The following NFIB variants were observed in gnomAD, a reference collection of about 807,000 sequenced individuals.
NFIB encodes nuclear factor 1 B-type.
Under a neutral mutation model 61.5 loss-of-function variants are expected in NFIB, and 11 were observed. That is an observed-to-expected ratio of 0.18 (90% CI 0.11 to 0.30). The LOEUF is 0.30. NFIB is among the 10% of genes least tolerant of loss of function. The pLI is 1.00. For missense variants in NFIB, 471 were observed against 608.9 expected, an observed-to-expected ratio of 0.77 and a Z score of 2.38; for synonymous variants, 260 against 216.5, an observed-to-expected ratio of 1.20 and a Z score of -1.76.
intron 2 of NFIB, among the ~76,000 whole-genome samples, chr9:14,277,521 G>A (rs1050908187): frequency 2.0e-5 from 3 of 152,204 alleles, no homozygotes; most frequent in African/African-American, 7.2e-5. Flanking sequence ...TAGCGACAAT[G>A]GTCTAGTCTG....
At chr9:14,410,230 A>C in the NFIB span, among the ~76,000 whole-genome samples, 1 of 151,686 alleles carries the variant, frequency 6.6e-6, no homozygotes, top group African/African-American at 2.4e-5. Context: ...AAAAAAAATC[A>C]TTTTCCAAAT....
intron 1 of NFIB, among the ~76,000 whole-genome samples, chr9:14,393,785 C>G (rs1050632684): frequency 6.6e-6 from 1 of 152,138 alleles, no homozygotes; most frequent in African/African-American, 2.4e-5. Flanking sequence ...AAAATAAATG[C>G]CACTAGTGAC....
the NFIB span, among the ~76,000 whole-genome samples, chr9:14,405,000 C>T: frequency 6.6e-6 from 1 of 152,198 alleles, no homozygotes; most frequent in Non-Finnish European, 1.5e-5. Context: ...GCTGGGCATA[C>T]AACTGTACTG....
In NFIB at chr9:14,130,850, T is replaced by C. The variant is rs571306518; in HGVS notation, c.926-5084A>G. ...AGTATATCTTAAAATTCATGTTCCA[T>C]GAATAAATATCACCAGATGAGAAGT... is the stretch of plus-strand genomic sequence containing the variant. On this transcript the variant is annotated intron_variant, in intron 6 of 10. Transcript: ENST00000380953. Among the ~76,000 whole-genome samples, 3 of 152,282 alleles carry C rather than the reference T, an allele frequency of 2.0e-5. No individual in the cohort carries two copies. The East Asian group carries it at 5.8e-4, about 29-fold the overall frequency.
At chr9:14,322,600 G>A (rs2060689298) in intron 1 of NFIB, among the ~76,000 whole-genome samples, 1 of 151,654 alleles carries the variant, frequency 6.6e-6, no homozygotes, top group South Asian at 2.1e-4. Flanking sequence ...CCCTACCACG[G>A]CCGGCCTGGG....
the NFIB span, among the ~76,000 whole-genome samples, chr9:14,514,327 T>TACATACATACACACACACACACAC: frequency 2.0e-5 from 3 of 147,940 alleles, no homozygotes; most frequent in African/African-American, 7.5e-5. Flanking sequence ...CATACATACA[T>TACATACATACACACACACACACAC]ACACACACAC....
intron 2 of NFIB, among the ~76,000 whole-genome samples, chr9:14,217,582 C>A (rs1267864023): frequency 6.9e-6 from 1 of 144,396 alleles, no homozygotes. Flanking sequence ...ATCACTTGAA[C>A]CCAGGAAGTG....
At chr9:14,353,669 C>T (rs2061140847) in intron 1 of NFIB, among the ~76,000 whole-genome samples, 1 of 152,108 alleles carries the variant, frequency 6.6e-6, no homozygotes. Context: ...GTCCGACTGG[C>T]CGCCGATGCC....
At chr9:14,444,761 T>A in the NFIB span, among the ~76,000 whole-genome samples, 2 of 152,198 alleles carry the variant, frequency 1.3e-5, no homozygotes, top group African/African-American at 4.8e-5. Flanking sequence ...CATATGTACA[T>A]CATTAATAAT....
At chr9:14,465,003 G>A in the NFIB span, among the ~76,000 whole-genome samples, 1 of 152,096 alleles carries the variant, frequency 6.6e-6, no homozygotes, top group South Asian at 2.1e-4. Context: ...CAGGCTACAA[G>A]ATAAATGAGA....
At position 14,353,853 on chromosome 9, in the gene NFIB, CTTTTTTTT is replaced by C. The variant is rs59303621; in HGVS notation, c.108+44663_108+44670del. Among the ~76,000 whole-genome samples the C allele has an allele frequency of 4.2e-5, 5 of 118,740 alleles. No individual in the cohort carries two copies. The East Asian group carries it at 7.4e-4, about 18-fold the overall frequency. 77.9% of individuals were successfully genotyped at this position (118,740 alleles called of 152,430 possible). ...TAGTGGAGAGCGAGAGGGGTTTTGT[CTTTTTTTT>C]TTTTTTTTTTTGCATGCAATTGAGG... On this transcript the variant is annotated intron_variant, in intron 1 of 8. Coordinates refer to the NFIB transcript ENST00000380934.
chr9:14,452,968 T>C, the NFIB span, among the ~76,000 whole-genome samples: 1 of 152,222 alleles, frequency 6.6e-6, no homozygotes, highest in East Asian at 1.9e-4. Flanking sequence ...GGATTGAAAG[T>C]ATTTGGAATG....
chr9:14,434,216 G>C, the NFIB span, among the ~76,000 whole-genome samples: 1 of 152,212 alleles, frequency 6.6e-6, no homozygotes, highest in African/African-American at 2.4e-5. Flanking sequence ...TGGGCTGATT[G>C]GGAAAGTTGT....
chr9:14,508,010 T>G, the NFIB span, among the ~76,000 whole-genome samples: 9 of 145,758 alleles, frequency 6.2e-5, no homozygotes, highest in African/African-American at 2.3e-4. Flanking sequence ...ATATATATAT[T>G]CATGTCCTGA....
the NFIB span, among the ~76,000 whole-genome samples, chr9:14,427,937 G>GTTGTTTTTTTTTTTTTTTTTTTTTT: frequency 2.3e-5 from 1 of 43,384 alleles, no homozygotes; most frequent in Non-Finnish European, 4.4e-5. Flanking sequence ...TAATTCAGTT[G>GTTGTTTTTTTTTTTTTTTTTTTTTT]TTTTTTTTTT....
At chr9:14,458,332 A>T in the NFIB span, among the ~76,000 whole-genome samples, 3 of 152,086 alleles carry the variant, frequency 2.0e-5, no homozygotes, top group Non-Finnish European at 4.4e-5. Flanking sequence ...CATGCTAAAA[A>T]CTCTCAATAA....
chr9:14,272,913 A>G (rs1215178037), intron 2 of NFIB, among the ~76,000 whole-genome samples: 1 of 152,174 alleles, frequency 6.6e-6, no homozygotes, highest in African/African-American at 2.4e-5. Flanking sequence ...TGTGTTACTT[A>G]GCCTCAACTT....
chr9:14,208,134 T>C (rs1284140271), intron 2 of NFIB, among the ~76,000 whole-genome samples: 3 of 152,216 alleles, frequency 2.0e-5, no homozygotes, highest in African/African-American at 4.8e-5. Flanking sequence ...CTTTCCACTT[T>C]TATTCCATAT....
At chr9:14,170,582 A>G (rs2045460054) in intron 3 of NFIB, among the ~76,000 whole-genome samples, 1 of 152,076 alleles carries the variant, frequency 6.6e-6, no homozygotes, top group East Asian at 1.9e-4. Flanking sequence ...GGCAGGCTGC[A>G]GTGAGCCATG....
Sources: allele counts gnomAD v4.1 joint callset (sites outside exome capture counted in the v4.1 genomes callset), GRCh38; gene constraint gnomAD v4.1.1; transcripts MANE v1.5; gene names NCBI Gene and HGNC (gene_info 2026-07-23, HGNC 2026-07-21).